The following COL23A1 variants were observed in gnomAD, a reference collection of about 807,000 sequenced individuals.
COL23A1 encodes the protein collagen type XXIII alpha 1 chain.
A neutral mutation model predicts 99.3 loss-of-function variants in COL23A1; 97 were observed. That is an observed-to-expected ratio of 0.98 (90% CI 0.83 to 1.16). The LOEUF is 1.16. Ranked by LOEUF, COL23A1 falls within the 50% of genes most tolerant of loss-of-function variation. COL23A1 has a pLI of 0.00. For missense variants in COL23A1, 762 were observed against 757.4 expected (o/e 1.01, Z -0.07); for synonymous variants, 320 against 308.2 (o/e 1.04, Z -0.40).
chr5:178,549,022 G>T (rs1390007071), intron 2 of COL23A1, among the ~76,000 whole-genome samples: 1 of 151,628 alleles, frequency 6.6e-6, no homozygotes, highest in Non-Finnish European at 1.5e-5. Context: ...TTGAGATGGA[G>T]TCTCGCTCTG....
intron 3 of COL23A1, among the ~76,000 whole-genome samples, chr5:178,298,763 A>G (rs1757880771): frequency 6.6e-6 from 1 of 152,164 alleles, no homozygotes; most frequent in Non-Finnish European, 1.5e-5. Context: ...AAGGAGCAGA[A>G]TGGGCCAGGC....
rs367773203 is a variant in COL23A1, at chr5:178,513,448, A to T, written c.361+47234T>A. ...CACTTTTTTAGTGGCTTAAAACAAC[A>T]CAGATGTATTATCTTAGAGTTCTGT... On this transcript the variant is annotated intron_variant, in intron 2 of 28. Transcript: ENST00000390654. Among the ~76,000 whole-genome samples the T allele has an allele frequency of 1.1e-4, 16 of 152,284 alleles. No homozygotes were observed. In the East Asian group the frequency reaches 2.7e-3, roughly 26 times the overall value.
rs146180821 is a variant in COL23A1 at position 178,318,759 on chromosome 5, G to A, written c.362-11840C>T. On this transcript the variant is annotated intron_variant, in intron 2 of 28. Coordinates refer to ENST00000390654, the MANE Select transcript of COL23A1 (RefSeq NM_173465.4). Reference sequence around the variant, plus strand: ...CTAATGAAAATACAAAAAATTAGCCGGGTGTGGTGGCGGGCGCCTGTAACT... The same window carrying A: ...CTAATGAAAATACAAAAAATTAGCCAGGTGTGGTGGCGGGCGCCTGTAACT... Among the ~76,000 whole-genome samples the A allele has an allele frequency of 1.6e-4, 25 of 152,292 alleles. No individual in the cohort carries two copies. In the East Asian group the frequency reaches 3.3e-3, roughly 20 times the overall value.
chr5:178,529,672 T>G (rs916312169), intron 2 of COL23A1, among the ~76,000 whole-genome samples: 1 of 152,116 alleles, frequency 6.6e-6, no homozygotes, highest in African/African-American at 2.4e-5. Context: ...ACGAGGGGCA[T>G]AGACTGAAAG....
intron 2 of COL23A1, among the ~76,000 whole-genome samples, chr5:178,444,117 G>A (rs1000647786): frequency 6.6e-6 from 1 of 152,016 alleles, no homozygotes; most frequent in Non-Finnish European, 1.5e-5. Flanking sequence ...GTGGTGGGAG[G>A]ATCCCTTGAG....
chr5:178,298,694 C>G (rs1441901212), intron 3 of COL23A1, among the ~76,000 whole-genome samples: 1 of 152,198 alleles, frequency 6.6e-6, no homozygotes, highest in Non-Finnish European at 1.5e-5. Flanking sequence ...GCTCCCAGCT[C>G]TCAGAAGCAT....
At position 178,357,830 on chromosome 5, in the gene COL23A1, GTA is replaced by G. The variant is rs1445877981; in HGVS notation, c.362-50913_362-50912del. Among the ~76,000 whole-genome samples the G allele has an allele frequency of 6.3e-4, 95 of 150,278 alleles. 2 individuals are homozygous for G. The highest frequency in any genetic ancestry group is 4.6e-4 in the Admixed American group (7 of 15,148). On this transcript the variant is annotated intron_variant, in intron 2 of 28. Transcript: ENST00000390654. ...TGTATGTGTGTATGTGTGTTTATGT[GTA>G]TGTGTGTGTATGTCTAATGTGTATG...
At chr5:178,455,944 C>T (rs1049870416) in intron 2 of COL23A1, among the ~76,000 whole-genome samples, 3 of 152,002 alleles carry the variant, frequency 2.0e-5, no homozygotes, top group African/African-American at 7.3e-5. Flanking sequence ...GTAGCTAAGA[C>T]AATTTTTTGA....
intron 2 of COL23A1, among the ~76,000 whole-genome samples, chr5:178,368,531 C>G (rs1050341122): frequency 1.1e-4 from 16 of 152,192 alleles, no homozygotes; most frequent in African/African-American, 3.9e-4. Context: ...TGACACGTAG[C>G]CACCGCTATA....
At chr5:178,351,631 AG>A (rs1200537168) in intron 2 of COL23A1, among the ~76,000 whole-genome samples, 1 of 152,088 alleles carries the variant, frequency 6.6e-6, no homozygotes, top group Admixed American at 6.5e-5. Context: ...GGCCGGGGCA[AG>A]GTTTGGGGTC....
intron 2 of COL23A1, among the ~76,000 whole-genome samples, chr5:178,523,165 T>TATATATAC (rs1554189033): frequency 1.0e-5 from 1 of 95,346 alleles, no homozygotes; most frequent in Non-Finnish European, 2.1e-5. Context: ...TATATATACA[T>TATATATAC]ATATATATAT....
chr5:178,546,154 C>CT (rs1327218600), intron 2 of COL23A1, among the ~76,000 whole-genome samples: 1 of 152,086 alleles, frequency 6.6e-6, no homozygotes, highest in Non-Finnish European at 1.5e-5. Context: ...CAGTAAGACT[C>CT]TATCTCCCCT....
At chr5:178,485,750 C>A (rs191917772) in intron 2 of COL23A1, among the ~76,000 whole-genome samples, 3 of 146,830 alleles carry the variant, frequency 2.0e-5, no homozygotes, top group Non-Finnish European at 4.4e-5. Context: ...CCATTGCACT[C>A]CAGCCTGGGT....
rs1028311952 is a variant in COL23A1 at position 178,439,014 on chromosome 5, T to G, written c.361+121668A>C. On this transcript the variant is annotated intron_variant, in intron 2 of 28. Transcript: ENST00000390654. The surrounding 1 kb of genome is among the most constrained non-coding windows in gnomAD (Gnocchi z 4.2). Reference sequence around the variant, plus strand: ...CCAGTGTGCACCTGCGCCTGAGAGCTTGACTCAGCCCAGTGTGCATTCAAA... The same window carrying G: ...CCAGTGTGCACCTGCGCCTGAGAGCGTGACTCAGCCCAGTGTGCATTCAAA... 2.6e-5 allele frequency: 4 copies of G among 152,244 alleles called. No individual in the cohort carries two copies. The highest frequency in any genetic ancestry group is 2.1e-4 in the South Asian group (1 of 4,832). 9.4% of individuals were successfully genotyped at this position (152,244 alleles called of 1,614,324 possible).
chr5:178,464,434 C>T (rs576960045), intron 2 of COL23A1, among the ~76,000 whole-genome samples: 12 of 152,314 alleles, frequency 7.9e-5, no homozygotes, highest in African/African-American at 2.4e-4. Context: ...GCATATACCA[C>T]ATTTTCTTTA....
chr5:178,500,982 G>A (rs1758494659), intron 2 of COL23A1, among the ~76,000 whole-genome samples: 1 of 152,162 alleles, frequency 6.6e-6, no homozygotes, highest in South Asian at 2.1e-4. Context: ...CTAAGGATTA[G>A]TATTCACAAT....
At chr5:178,414,910 G>T (rs1019653685) in intron 2 of COL23A1, among the ~76,000 whole-genome samples, 3 of 152,200 alleles carry the variant, frequency 2.0e-5, no homozygotes, top group Non-Finnish European at 4.4e-5. Flanking sequence ...AGGTGATGAC[G>T]TGTGGAGGTG....
intron 8 of COL23A1, among the ~76,000 whole-genome samples, chr5:178,264,236 C>T (rs955292380): frequency 1.3e-5 from 2 of 151,666 alleles, no homozygotes; most frequent in Middle Eastern, 3.4e-3. Flanking sequence ...GACTGTACTA[C>T]AGAGATGCAA....
chr5:178,372,438 G>A (rs1270026385), intron 2 of COL23A1, among the ~76,000 whole-genome samples: 7 of 152,212 alleles, frequency 4.6e-5, no homozygotes, highest in Admixed American at 3.9e-4. Flanking sequence ...AAGAAGGAAG[G>A]ACAGACGATG....
Sources: allele counts gnomAD v4.1 joint callset (sites outside exome capture counted in the v4.1 genomes callset), GRCh38; gene constraint gnomAD v4.1.1; non-coding constraint Gnocchi (gnomAD v3.1); transcripts MANE v1.5; gene names NCBI Gene and HGNC (gene_info 2026-07-23, HGNC 2026-07-21).